The following DNM3 variants were observed in gnomAD, a reference collection of about 807,000 sequenced individuals.
The protein encoded by DNM3 is dynamin 3.
DNM3 carries 47 observed loss-of-function variants against 101.6 expected under a neutral mutation model. That is an observed-to-expected ratio of 0.46 (90% CI 0.37 to 0.59). The LOEUF (loss-of-function observed/expected upper bound fraction) is 0.59, where lower values mean the gene tolerates loss of function less well. Ranked by LOEUF, DNM3 falls within the 20% of genes least tolerant of loss-of-function variation. The pLI, the probability that DNM3 is intolerant of heterozygous loss-of-function variation, is 0.00. For synonymous variants in DNM3, 385 were observed against 387.9 expected, an observed-to-expected ratio of 0.99 and a Z score of 0.09; for missense variants, 849 against 1,085.7, an observed-to-expected ratio of 0.78 and a Z score of 3.06.
At chr1:172,229,751 C>CAA (rs2061264333) in intron 14 of DNM3, among the ~76,000 whole-genome samples, 1 of 144,462 alleles carries the variant, frequency 6.9e-6, no homozygotes. Flanking sequence ...ACACGCACGC[C>CAA]ACACACACAC....
In DNM3 at chr1:171,996,993, C is replaced by T. The variant is rs148422419; in HGVS notation, c.589+7845C>T. On this transcript the variant is annotated intron_variant, in intron 4 of 20. Coordinates refer to ENST00000627582, the MANE Select transcript of DNM3 (RefSeq NM_015569.5). The stretch of plus-strand genomic sequence containing the variant: ...GCTGTGGTGAGCTGTGATCACGCTA[C>T]TGCACTCCAGCCTAGGTGACAGAGT... Among the ~76,000 whole-genome samples the T allele has an allele frequency of 9.7e-3, 1,476 of 151,944 alleles. 28 individuals carry two copies. The highest frequency in any genetic ancestry group is 0.034 in the African/African-American group (1,410 of 41,432).
intron 17 of DNM3, among the ~76,000 whole-genome samples, chr1:172,351,727 A>G (rs765566325): frequency 6.6e-6 from 1 of 152,162 alleles, no homozygotes; most frequent in African/African-American, 2.4e-5. Context: ...CTTCTACCCA[A>G]CTAAAATGGA....
At chr1:172,193,601 G>T (rs2059825184) in intron 14 of DNM3, among the ~76,000 whole-genome samples, 2 of 152,122 alleles carry the variant, frequency 1.3e-5, no homozygotes. Context: ...GGGTGTATGT[G>T]TCGAGGAATT....
intron 15 of DNM3, among the ~76,000 whole-genome samples, chr1:172,262,015 G>T (rs961533982): frequency 2.0e-5 from 3 of 152,196 alleles, no homozygotes; most frequent in Non-Finnish European, 4.4e-5. Context: ...AGACCCCTCA[G>T]TGGTACTGGC....
chr1:172,271,983 T>C (rs973082386), intron 15 of DNM3, among the ~76,000 whole-genome samples: 2 of 152,122 alleles, frequency 1.3e-5, no homozygotes, highest in South Asian at 2.1e-4. Flanking sequence ...AAATTTATCA[T>C]TGGCCACAAA....
chr1:172,372,111 T>C (rs2068367807), intron 17 of DNM3, among the ~76,000 whole-genome samples: 1 of 120,208 alleles, frequency 8.3e-6, no homozygotes, highest in African/African-American at 3.2e-5. Context: ...TTCCCCTTCC[T>C]GTGTCCATGT....
intron 12 of DNM3, among the ~76,000 whole-genome samples, chr1:172,087,359 A>G (rs574114800): frequency 7.2e-5 from 11 of 151,828 alleles, no homozygotes; most frequent in African/African-American, 2.7e-4. Flanking sequence ...GATCTTACCC[A>G]CTCCAATGGT....
chr1:171,884,382 C>T (rs368896587), intron 1 of DNM3, among the ~76,000 whole-genome samples: 2 of 152,200 alleles, frequency 1.3e-5, no homozygotes, highest in East Asian at 1.9e-4. Flanking sequence ...GATTAATCAC[C>T]TTCTCCTTTG....
rs2035043437 is a variant in DNM3 at position 171,869,169 on chromosome 1, G to A, written c.161+27352G>A. Among the ~76,000 whole-genome samples, 6 of 151,500 alleles carry A rather than the reference G, an allele frequency of 4.0e-5. No individual in the cohort carries two copies. In the South Asian group the frequency reaches 1.3e-3, roughly 32 times the overall value. On this transcript the variant is annotated intron_variant, in intron 1 of 20. Coordinates refer to ENST00000627582, the MANE Select transcript of DNM3 (RefSeq NM_015569.5). ...TGTGTACCTAAACATCATGTGGTTG[G>A]TTTTTTTTTGGAGAAAACCATTTTG...
Position 171,997,031 on chromosome 1 carries a change from CA to C in DNM3, c.589+7894del, listed in dbSNP as rs113315153. ...TAGGTGACAGAGTGAGACCTTGTCT[CA>C]AAAAAAAAAAGATAACACTTAGTCG... On this transcript the variant is annotated intron_variant, in intron 4 of 20. Transcript: ENST00000627582. 2.8e-3 allele frequency among the ~76,000 whole-genome samples: 390 copies of C among 139,868 alleles called. 2 individuals are homozygous for C. Among genetic ancestry groups the C allele is most frequent in the African/African-American group, 8.2e-3 (312 of 38,266 alleles). The allele number at this position is 139,868 out of a possible 152,430, so 91.8% of individuals were successfully genotyped here.
intron 15 of DNM3, among the ~76,000 whole-genome samples, chr1:172,296,399 G>A (rs1046126874): frequency 6.6e-6 from 1 of 152,216 alleles, no homozygotes; most frequent in African/African-American, 2.4e-5. Flanking sequence ...GGCCCTTGGG[G>A]GACTGGGTCA....
intron 15 of DNM3, among the ~76,000 whole-genome samples, chr1:172,283,966 T>C (rs2063599062): frequency 6.6e-6 from 1 of 152,072 alleles, no homozygotes; most frequent in Admixed American, 6.6e-5. Flanking sequence ...TGCAATTGCT[T>C]GTTTTGCAAT....
intron 1 of DNM3, among the ~76,000 whole-genome samples, chr1:171,853,418 T>C (rs1024466812): frequency 2.6e-5 from 4 of 152,152 alleles, no homozygotes; most frequent in Admixed American, 2.6e-4. Flanking sequence ...TCTCCTGCCT[T>C]GGCCTCCCAA....
In DNM3 at chr1:171,869,169, GT is replaced by G. The variant is rs547867895; in HGVS notation, c.161+27361del. Among the ~76,000 whole-genome samples, 1,174 of 151,496 alleles carry G rather than the reference GT, an allele frequency of 7.7e-3. 14 individuals carry two copies. Among genetic ancestry groups the G allele is most frequent in the African/African-American group, 0.027 (1,106 of 41,286 alleles). ...TGTGTACCTAAACATCATGTGGTTG[GT>G]TTTTTTTTGGAGAAAACCATTTTGT... On this transcript the variant is annotated intron_variant, in intron 1 of 20. Coordinates refer to ENST00000627582, the MANE Select transcript of DNM3 (RefSeq NM_015569.5).
At chr1:171,875,107 G>A (rs1008277631) in intron 1 of DNM3, among the ~76,000 whole-genome samples, 6 of 152,098 alleles carry the variant, frequency 3.9e-5, no homozygotes, top group African/African-American at 1.2e-4. Context: ...CTTTGTTACT[G>A]TGAACAGTGC....
At chr1:172,185,597 T>C (rs555457102) in intron 14 of DNM3, among the ~76,000 whole-genome samples, 1 of 152,240 alleles carries the variant, frequency 6.6e-6, no homozygotes, top group African/African-American at 2.4e-5. Flanking sequence ...CAGAATTATA[T>C]AGCAACCTGG....
chr1:172,345,751 TC>T (rs1401652533), intron 17 of DNM3, among the ~76,000 whole-genome samples: 1 of 152,182 alleles, frequency 6.6e-6, no homozygotes, highest in Admixed American at 6.5e-5. Flanking sequence ...TTCCCAGGGT[TC>T]CCAGTTTAGG....
intron 15 of DNM3, among the ~76,000 whole-genome samples, chr1:172,282,390 C>A (rs1014605718): frequency 6.6e-6 from 1 of 152,036 alleles, no homozygotes; most frequent in Non-Finnish European, 1.5e-5. Flanking sequence ...AGTACTATCC[C>A]CATTTAACAA....
At chr1:172,273,900 A>T (rs566161359) in intron 15 of DNM3, among the ~76,000 whole-genome samples, 47 of 152,214 alleles carry the variant, frequency 3.1e-4, no homozygotes, top group South Asian at 1.7e-3. Context: ...GCAGTTATGC[A>T]ATACGTGATA....
Sources: gnomAD v4.1 joint callset for allele counts (sites outside exome capture counted in the v4.1 genomes callset) on GRCh38, gnomAD v4.1.1 for gene constraint, MANE v1.5 for transcripts, NCBI Gene and HGNC (gene_info 2026-07-23, HGNC 2026-07-21) for gene names.